RANBP2: variants seen among roughly 807,000 people sequenced by gnomAD.
RANBP2 encodes RAN binding protein 2.
RANBP2 carries 57 observed loss-of-function variants against 303.6 expected under a neutral mutation model. That is an observed-to-expected ratio of 0.19 (90% CI 0.15 to 0.23). The LOEUF (loss-of-function observed/expected upper bound fraction) is 0.23. RANBP2 is among the 10% of genes least tolerant of loss of function. RANBP2 has a pLI of 1.00. For missense variants in RANBP2, 3,138 were observed against 3,780.8 expected (o/e 0.83, Z 4.46); for synonymous variants, 1,167 against 1,301.5 (o/e 0.90, Z 2.23).
At chr2:109,069,988 T>C in the RANBP2 span, among the ~76,000 whole-genome samples, 1 of 152,210 alleles carries the variant, frequency 6.6e-6, no homozygotes. Context: ...GAGATTATGA[T>C]GTAACAGAGC....
At chr2:109,581,370 G>C in the RANBP2 span, among the ~76,000 whole-genome samples, 2 of 151,956 alleles carry the variant, frequency 1.3e-5, no homozygotes, top group Non-Finnish European at 2.9e-5. Context: ...CCAGGAGGCG[G>C]AGGTTGCAGT....
chr2:108,813,446 A>G, the RANBP2 span, among the ~76,000 whole-genome samples: 2 of 152,126 alleles, frequency 1.3e-5, no homozygotes, highest in Non-Finnish European at 2.9e-5. Flanking sequence ...TGTGAAAACA[A>G]AACTATTATA....
At chr2:108,990,015 GTCT>G in the RANBP2 span, among the ~76,000 whole-genome samples, 1 of 152,210 alleles carries the variant, frequency 6.6e-6, no homozygotes, top group Non-Finnish European at 1.5e-5. Context: ...GAAAGAAACA[GTCT>G]GGGCTCCGTG....
chr2:109,527,398 A>G, the RANBP2 span, among the ~76,000 whole-genome samples: 1 of 151,956 alleles, frequency 6.6e-6, no homozygotes, highest in Non-Finnish European at 1.5e-5. Context: ...AGTTTGAGTA[A>G]CATAAGAAAC....
chr2:109,582,922 T>A, the RANBP2 span, among the ~76,000 whole-genome samples: 2,542 of 152,114 alleles, frequency 0.017, 69 homozygotes, highest in African/African-American at 0.058. Context: ...AAATAAGCAA[T>A]GGGGAAAGGA....
downstream of RANBP2, chr2:108,786,822 T>C (rs777285125): frequency 1.3e-6 from 2 of 1,588,180 alleles, no homozygotes; most frequent in South Asian, 2.3e-5. Context: ...TGCTGTGTGC[T>C]ATGGAGCCGA....
At chr2:109,639,104 T>A in the RANBP2 span, among the ~76,000 whole-genome samples, 1 of 152,214 alleles carries the variant, frequency 6.6e-6, no homozygotes, top group African/African-American at 2.4e-5. Context: ...GTCAAGGTAG[T>A]TTCATCTCCA....
At chr2:109,361,170 A>C in the RANBP2 span, among the ~76,000 whole-genome samples, 1 of 152,228 alleles carries the variant, frequency 6.6e-6, no homozygotes, top group Non-Finnish European at 1.5e-5. Context: ...TACCTGGGAT[A>C]AATTCCACTT....
At chr2:108,763,118 C>T (rs1420699675) in intron 19 of RANBP2, 119 bp from the exon 20 acceptor site, 2 of 1,168,862 alleles carry the variant, frequency 1.7e-6, no homozygotes, top group South Asian at 1.3e-5. Flanking sequence ...GTACTACATC[C>T]CCTAATGAGA....
chr2:109,291,281 T>C, the RANBP2 span, among the ~76,000 whole-genome samples: 218 of 51,874 alleles, frequency 4.2e-3, no homozygotes, highest in Admixed American at 9.8e-3. Context: ...GAGTAATCTC[T>C]TTTTTTTTTT....
chr2:109,624,076 TC>T, the RANBP2 span, among the ~76,000 whole-genome samples: 1 of 152,156 alleles, frequency 6.6e-6, no homozygotes, highest in Non-Finnish European at 1.5e-5. Flanking sequence ...ACTCACTTCT[TC>T]AAAAGAGGCC....
chr2:109,360,099 A>G, the RANBP2 span, among the ~76,000 whole-genome samples: 2 of 150,456 alleles, frequency 1.3e-5, no homozygotes, highest in East Asian at 3.9e-4. Flanking sequence ...CTTACCTTTT[A>G]ATCAAAGCAC....
At chr2:109,689,734 GC>G in the RANBP2 span, among the ~76,000 whole-genome samples, 6 of 152,046 alleles carry the variant, frequency 3.9e-5, no homozygotes, top group Non-Finnish European at 5.9e-5. Flanking sequence ...ATTTCTAAAA[GC>G]ATAGTCAAGC....
At chr2:109,261,317 C>T in the RANBP2 span, among the ~76,000 whole-genome samples, 2 of 152,124 alleles carry the variant, frequency 1.3e-5, no homozygotes, top group African/African-American at 2.4e-5. Context: ...AGCCTTGATC[C>T]GCACACTGTG....
intron 1 of RANBP2, among the ~76,000 whole-genome samples, chr2:108,726,848 C>G (rs942430264): frequency 2.3e-4 from 35 of 152,148 alleles, no homozygotes; most frequent in African/African-American, 8.2e-4. Context: ...AACGAGCATG[C>G]TGCCTTCAAG....
the RANBP2 span, chr2:109,613,948 C>T: frequency 1.6e-6 from 2 of 1,214,434 alleles, no homozygotes; most frequent in African/African-American, 1.6e-5. Context: ...GGCTAGGCTG[C>T]CTCCGCGACG....
chr2:109,566,891 A>T, the RANBP2 span, among the ~76,000 whole-genome samples: 3 of 152,202 alleles, frequency 2.0e-5, no homozygotes, highest in Non-Finnish European at 2.9e-5. Flanking sequence ...TTAATATTTT[A>T]AAATTGACAT....
the RANBP2 span, among the ~76,000 whole-genome samples, chr2:108,917,644 A>G: frequency 1.3e-5 from 2 of 152,090 alleles, no homozygotes; most frequent in African/African-American, 4.8e-5. Flanking sequence ...TGCTAAGACT[A>G]GAGGGGGGTC....
the RANBP2 span, among the ~76,000 whole-genome samples, chr2:109,273,738 G>T: frequency 2.8e-3 from 427 of 152,334 alleles, 2 homozygotes; most frequent in African/African-American, 9.9e-3. Context: ...GTCACATTTA[G>T]AAGGTCATAG....
Sources: gnomAD v4.1 joint callset for allele counts (sites outside exome capture counted in the v4.1 genomes callset) on GRCh38, gnomAD v4.1.1 for gene constraint, MANE v1.5 for transcripts, NCBI Gene and HGNC (gene_info 2026-07-23, HGNC 2026-07-21) for gene names.